CFAP90: variants seen among roughly 807,000 people sequenced by gnomAD.
CFAP90 encodes cilia and flagella associated protein 90, also known as cilia- and flagella-associated protein 90.
At chr5:7,841,154 C>T in the CFAP90 span, among the ~76,000 whole-genome samples, 437 of 152,058 alleles carry the variant, frequency 2.9e-3, 2 homozygotes, top group Non-Finnish European at 4.6e-3. Context: ...AAAAAAACCC[C>T]GTTAAAAATT....
the CFAP90 span, among the ~76,000 whole-genome samples, chr5:7,838,313 A>G: frequency 8.8e-4 from 91 of 102,916 alleles, 1 homozygote; most frequent in Admixed American, 4.4e-3. Flanking sequence ...TCTGCTTATC[A>G]AATAAAATGA....
At chr5:7,844,845 A>G in the CFAP90 span, among the ~76,000 whole-genome samples, 1 of 152,156 alleles carries the variant, frequency 6.6e-6, no homozygotes, top group African/African-American at 2.4e-5. Flanking sequence ...GGACCCATAG[A>G]GGGAGGACCT....
At chr5:7,837,251 G>A in the CFAP90 span, among the ~76,000 whole-genome samples, 2 of 151,728 alleles carry the variant, frequency 1.3e-5, no homozygotes, top group South Asian at 2.1e-4. Context: ...TTCCTTGTTC[G>A]GTATCTAGTA....
At chr5:7,831,086 A>G in the CFAP90 span, 1 of 152,192 alleles carries the variant, frequency 6.6e-6, no homozygotes, top group Non-Finnish European at 1.5e-5. Context: ...GCTCATGTAG[A>G]TGATATGACT....
At chr5:7,848,236 G>A in the CFAP90 span, among the ~76,000 whole-genome samples, 1 of 152,086 alleles carries the variant, frequency 6.6e-6, no homozygotes, top group African/African-American at 2.4e-5. Flanking sequence ...CCATTCCCTC[G>A]TGTTTCCCTC....
the CFAP90 span, among the ~76,000 whole-genome samples, chr5:7,833,881 C>T: frequency 6.6e-6 from 1 of 152,176 alleles, no homozygotes; most frequent in Non-Finnish European, 1.5e-5. Context: ...TAGTGCAACA[C>T]ATTCCTAATG....
chr5:7,844,943 A>G, the CFAP90 span, among the ~76,000 whole-genome samples: 1 of 152,208 alleles, frequency 6.6e-6, no homozygotes, highest in Non-Finnish European at 1.5e-5. Flanking sequence ...CATGTGTATT[A>G]GTCCATTTTT....
the CFAP90 span, chr5:7,850,976 TGCCCCGCAGCGTGGAC>T: frequency 7.6e-7 from 1 of 1,309,920 alleles, no homozygotes; most frequent in Non-Finnish European, 9.7e-7. Context: ...GGCCTGGGCT[TGCCCCGCAGCGTGGAC>T]GCGGTGGTCT....
the CFAP90 span, among the ~76,000 whole-genome samples, chr5:7,847,778 G>A: frequency 3.3e-5 from 5 of 152,158 alleles, no homozygotes; most frequent in Admixed American, 6.5e-5. Context: ...AGGTGGAGAC[G>A]TTAATTAGAC....
the CFAP90 span, among the ~76,000 whole-genome samples, chr5:7,836,640 G>C: frequency 6.6e-6 from 1 of 152,152 alleles, no homozygotes; most frequent in Admixed American, 6.5e-5. Context: ...CAATGGTCTG[G>C]GAGAAAGTCT....
the CFAP90 span, among the ~76,000 whole-genome samples, chr5:7,839,546 C>G: frequency 6.6e-6 from 1 of 152,350 alleles, no homozygotes; most frequent in Non-Finnish European, 1.5e-5. Flanking sequence ...TATGTTCATT[C>G]ATTTTGTTCC....
chr5:7,835,716 G>T, the CFAP90 span, among the ~76,000 whole-genome samples: 1 of 152,120 alleles, frequency 6.6e-6, no homozygotes, highest in South Asian at 2.1e-4. Flanking sequence ...GAGAGGCCCA[G>T]TATGAAGCAG....
the CFAP90 span, among the ~76,000 whole-genome samples, chr5:7,850,048 G>T: frequency 1.3e-5 from 2 of 151,992 alleles, no homozygotes; most frequent in African/African-American, 4.8e-5. Flanking sequence ...AGTGGCTCCC[G>T]CTCCCTTCTC....
At chr5:7,831,079 C>T in the CFAP90 span, 1 of 152,172 alleles carries the variant, frequency 6.6e-6, no homozygotes, top group East Asian at 1.9e-4. Context: ...AATGTCTGCT[C>T]ATGTAGATGA....
chr5:7,843,827 G>A, the CFAP90 span, among the ~76,000 whole-genome samples: 2 of 152,154 alleles, frequency 1.3e-5, no homozygotes, highest in African/African-American at 2.4e-5. Context: ...ACTAAGATAT[G>A]TTATTAAATG....
At chr5:7,835,383 T>A in the CFAP90 span, 2 of 1,535,716 alleles carry the variant, frequency 1.3e-6, no homozygotes, top group Non-Finnish European at 1.8e-6. Flanking sequence ...TAATATTACC[T>A]CTTCGTTAAC....
the CFAP90 span, among the ~76,000 whole-genome samples, chr5:7,848,265 G>A: frequency 7.9e-4 from 121 of 152,226 alleles, 5 homozygotes; most frequent in South Asian, 0.024. Flanking sequence ...ATATTCAGAG[G>A]ATAATCGAGC....
chr5:7,841,636 T>C, the CFAP90 span, among the ~76,000 whole-genome samples: 1 of 152,192 alleles, frequency 6.6e-6, no homozygotes, highest in Non-Finnish European at 1.5e-5. Flanking sequence ...CACAGAATAC[T>C]ATGCAGCCAT....
chr5:7,846,483 G>A, the CFAP90 span, among the ~76,000 whole-genome samples: 20 of 152,270 alleles, frequency 1.3e-4, no homozygotes, highest in African/African-American at 4.6e-4. Context: ...CGTTCTCATT[G>A]TGTCCTCACA....
Sources: gnomAD v4.1 joint callset for allele counts (sites outside exome capture counted in the v4.1 genomes callset) on GRCh38, gnomAD v4.1.1 for gene constraint, MANE v1.5 for transcripts, NCBI Gene and HGNC (gene_info 2026-07-23, HGNC 2026-07-21) for gene names.